Variants in SPAG16 observed in about 807,000 individuals in gnomAD.
The protein encoded by SPAG16 is sperm associated antigen 16.
Under a neutral mutation model 80.4 loss-of-function variants are expected in SPAG16, and 86 were observed. The observed-to-expected ratio is 1.07, with a 90% CI of 0.90 to 1.28. SPAG16 has a LOEUF of 1.28. SPAG16 is among the 50% of genes most tolerant of loss of function. SPAG16 has a pLI of 0.00. For missense variants in SPAG16, 870 were observed against 765.3 expected (o/e 1.14, Z -1.61); for synonymous variants, 294 against 265.9 (o/e 1.11, Z -1.03).
chr2:213,950,394 AG>A (rs1189849993), intron 12 of SPAG16, among the ~76,000 whole-genome samples: 1 of 152,050 alleles, frequency 6.6e-6, no homozygotes, highest in Non-Finnish European at 1.5e-5. Flanking sequence ...GAGCTTTTTG[AG>A]GGGCACATAT....
chr2:213,432,574 G>A (rs557303884), intron 9 of SPAG16, among the ~76,000 whole-genome samples: 2 of 152,140 alleles, frequency 1.3e-5, no homozygotes, highest in South Asian at 2.1e-4. Flanking sequence ...CCAATAATGA[G>A]TAATGAGATT....
At chr2:213,866,979 T>C (rs1020959079) in intron 11 of SPAG16, among the ~76,000 whole-genome samples, 84 of 150,304 alleles carry the variant, frequency 5.6e-4, no homozygotes, top group Non-Finnish European at 9.6e-4. Flanking sequence ...ATTTAAAAAT[T>C]GCAAGTCTTC....
chr2:213,640,717 A>G (rs577178526), intron 10 of SPAG16, among the ~76,000 whole-genome samples: 1 of 152,288 alleles, frequency 6.6e-6, no homozygotes, highest in East Asian at 1.9e-4. Context: ...TCTTTTTTGA[A>G]TGCTGGGTAT....
intron 15 of SPAG16, among the ~76,000 whole-genome samples, chr2:214,230,150 A>T (rs1688589598): frequency 6.6e-6 from 1 of 151,962 alleles, no homozygotes; most frequent in Admixed American, 6.6e-5. Flanking sequence ...ACAACAGTGA[A>T]CCCATAGTGA....
intron 15 of SPAG16, among the ~76,000 whole-genome samples, chr2:214,297,828 T>C (rs1163275334): frequency 1.3e-5 from 2 of 151,616 alleles, no homozygotes; most frequent in Non-Finnish European, 2.9e-5. Context: ...TGGCTCTTTT[T>C]TTTTTTTTGG....
At chr2:213,323,555 G>T (rs937909713) in intron 5 of SPAG16, among the ~76,000 whole-genome samples, 3 of 152,148 alleles carry the variant, frequency 2.0e-5, no homozygotes, top group African/African-American at 7.2e-5. Flanking sequence ...ACTGAAAACC[G>T]AATAAAGGTT....
At chr2:214,010,453 C>T (rs542484748) in intron 12 of SPAG16, among the ~76,000 whole-genome samples, 1 of 146,724 alleles carries the variant, frequency 6.8e-6, no homozygotes, top group South Asian at 2.1e-4. Flanking sequence ...ATAGGTGGAC[C>T]TTTCCATTAG....
intron 11 of SPAG16, among the ~76,000 whole-genome samples, chr2:213,894,005 A>T (rs963794965): frequency 6.6e-6 from 1 of 152,158 alleles, no homozygotes; most frequent in Non-Finnish European, 1.5e-5. Context: ...AAGAAACTTC[A>T]TCTGTGAAGA....
intron 10 of SPAG16, among the ~76,000 whole-genome samples, chr2:213,589,789 G>T (rs961350629): frequency 5.9e-5 from 9 of 152,014 alleles, no homozygotes; most frequent in Admixed American, 5.9e-4. Flanking sequence ...GAGCATAGTG[G>T]TGCACACCTG....
intron 10 of SPAG16, among the ~76,000 whole-genome samples, chr2:213,602,375 T>C (rs2061098491): frequency 1.3e-5 from 2 of 152,240 alleles, no homozygotes; most frequent in African/African-American, 4.8e-5. Context: ...GGCTCTCGCC[T>C]GTAATCCCAG....
intron 10 of SPAG16, among the ~76,000 whole-genome samples, chr2:213,554,469 A>G (rs1046832517): frequency 1.2e-4 from 18 of 152,222 alleles, no homozygotes; most frequent in African/African-American, 4.3e-4. Flanking sequence ...TAGAAAGCCA[A>G]TAAGATTTAG....
chr2:213,925,396 G>C (rs1296760515), intron 11 of SPAG16, among the ~76,000 whole-genome samples: 1 of 149,416 alleles, frequency 6.7e-6, no homozygotes, highest in Non-Finnish European at 1.5e-5. Context: ...GTGTTGCCTA[G>C]GCTGGAGTGC....
chr2:214,165,096 G>A (rs923851677), intron 15 of SPAG16, among the ~76,000 whole-genome samples: 2 of 151,982 alleles, frequency 1.3e-5, no homozygotes, highest in Non-Finnish European at 2.9e-5. Flanking sequence ...ACATTTAGAA[G>A]TGTTTAATTT....
intron 10 of SPAG16, among the ~76,000 whole-genome samples, chr2:213,546,242 G>C (rs16850450): frequency 0.11 from 16,250 of 151,896 alleles, 1,627 homozygotes; most frequent in African/African-American, 0.26. Flanking sequence ...GCTCTCTTCT[G>C]TTTTGCTAAG....
intron 5 of SPAG16, among the ~76,000 whole-genome samples, chr2:213,337,030 T>G (rs2064399881): frequency 6.6e-6 from 1 of 152,158 alleles, no homozygotes; most frequent in African/African-American, 2.4e-5. Context: ...CTGGCTTCCA[T>G]CTGTGCTGGT....
intron 10 of SPAG16, among the ~76,000 whole-genome samples, chr2:213,615,534 C>T (rs1230890517): frequency 6.6e-6 from 1 of 151,992 alleles, no homozygotes; most frequent in African/African-American, 2.4e-5. Context: ...GAGGTTGCAG[C>T]GAGCTGAGAT....
chr2:214,259,591 T>A (rs1298972603), intron 15 of SPAG16, among the ~76,000 whole-genome samples: 1 of 150,632 alleles, frequency 6.6e-6, no homozygotes, highest in African/African-American at 2.4e-5. Flanking sequence ...ATTTCCTTCT[T>A]CCAGGCGTTC....
intron 14 of SPAG16, among the ~76,000 whole-genome samples, chr2:214,128,510 G>C (rs2054604119): frequency 6.6e-6 from 1 of 151,792 alleles, no homozygotes; most frequent in Non-Finnish European, 1.5e-5. Flanking sequence ...ACTTTGGCCA[G>C]TTCCAAGATT....
intron 12 of SPAG16, among the ~76,000 whole-genome samples, chr2:213,942,281 C>A (rs572963018): frequency 2.6e-5 from 4 of 152,278 alleles, no homozygotes; most frequent in Non-Finnish European, 5.9e-5. Flanking sequence ...TTTATAACCT[C>A]AACTCACAAG....
Sources: gnomAD v4.1 joint callset for allele counts (sites outside exome capture counted in the v4.1 genomes callset) on GRCh38, gnomAD v4.1.1 for gene constraint, MANE v1.5 for transcripts, NCBI Gene and HGNC (gene_info 2026-07-23, HGNC 2026-07-21) for gene names.